HSPA2: variants seen among roughly 807,000 people sequenced by gnomAD.
HSPA2 encodes heat shock-related 70 kDa protein 2.
HSPA2 carries 13 observed loss-of-function variants against 35.0 expected under a neutral mutation model. That is an observed-to-expected ratio of 0.37 (90% CI 0.24 to 0.59). The LOEUF (loss-of-function observed/expected upper bound fraction) is 0.59. Ranked by LOEUF, HSPA2 falls within the 20% of genes least tolerant of loss-of-function variation. HSPA2 has a pLI of 0.70. For synonymous variants in HSPA2, 368 were observed against 382.1 expected (o/e 0.96, Z 0.43); for missense variants, 565 against 885.4 (o/e 0.64, Z 4.59).
At chr14:64,540,148 C>T (rs1429111784), upstream of HSPA2, among the ~76,000 whole-genome samples, 1 of 152,108 alleles carries the variant, frequency 6.6e-6, no homozygotes, top group Non-Finnish European at 1.5e-5. Flanking sequence ...CCTATTCCCT[C>T]CCCTTGGACG....
chr14:64,539,299 G>A (rs1249669688), upstream of HSPA2, among the ~76,000 whole-genome samples: 1 of 152,016 alleles, frequency 6.6e-6, no homozygotes, highest in African/African-American at 2.4e-5. Flanking sequence ...TCCATTGAGC[G>A]GAGTCAGAAA....
At position 64,540,797 on chromosome 14, in the gene HSPA2, G is replaced by A. The variant is rs1470926678; in HGVS notation, c.-53G>A. Reference sequence around the variant, plus strand: ...CGAGGTGGCCGTTAGTTGACTCCGCGGAGTTCATCTCCCTGGTTTTCCCGT... The same window carrying A: ...CGAGGTGGCCGTTAGTTGACTCCGCAGAGTTCATCTCCCTGGTTTTCCCGT... On this transcript the variant is annotated 5_prime_UTR_variant, in exon 1 of 1. Coordinates refer to ENST00000247207, the MANE Select transcript of HSPA2 (RefSeq NM_021979.4). 2.5e-6 allele frequency: 4 copies of A among 1,595,902 alleles called. No homozygotes were observed. Among genetic ancestry groups the A allele is most frequent in the Middle Eastern group, 1.7e-4 (1 of 5,910 alleles).
At chr14:64,540,605 G>A (rs1462406880), upstream of HSPA2, 14 of 594,072 alleles carry the variant, frequency 2.4e-5, no homozygotes, top group African/African-American at 2.6e-4. Context: ...AATCTGTTGG[G>A]TCACGGGCCA....
upstream of HSPA2, among the ~76,000 whole-genome samples, chr14:64,537,727 T>C (rs969378110): frequency 9.5e-6 from 1 of 104,778 alleles, no homozygotes; most frequent in African/African-American, 2.9e-5. Context: ...ATATTTTCTT[T>C]TCTTTTTCTT....
chr14:64,537,347 G>A (rs2079987225), upstream of HSPA2, among the ~76,000 whole-genome samples: 1 of 152,072 alleles, frequency 6.6e-6, no homozygotes, highest in East Asian at 1.9e-4. Context: ...ATCCCAGCAC[G>A]TTGGGAGGCC....
rs578013117 is a variant in HSPA2, at chr14:64,540,787, T to G, written c.-63T>G. The G allele has an allele frequency of 6.3e-7, 1 of 1,584,806 alleles. No homozygotes were observed. Among genetic ancestry groups the G allele is most frequent in the South Asian group, 1.2e-5 (1 of 85,778 alleles). ...GTGCTTGGTTCGAGGTGGCCGTTAG[T>G]TGACTCCGCGGAGTTCATCTCCCTG... On this transcript the variant is annotated 5_prime_UTR_variant, in exon 1 of 1. Coordinates refer to ENST00000247207, the MANE Select transcript of HSPA2 (RefSeq NM_021979.4).
chr14:64,540,941 C>T lies in HSPA2; in HGVS notation c.92C>T (p.Ala31Val). 1 of 1,614,116 alleles carries T rather than the reference C, an allele frequency of 6.2e-7. No individual in the cohort carries two copies. Among genetic ancestry groups the T allele is most frequent in the South Asian group, 1.1e-5 (1 of 91,086 alleles). ...CAACATGGCAAGGTGGAGATCATCG[C>T]CAACGACCAGGGCAATCGCACCACC... The part of the protein sequence containing the change: ...VFQHGKVEII[A>V]NDQGNRTTPS... The change falls in exon 1 of 1, where the codon GCC becomes GTC. Residue 31 changes from alanine (A) to valine (V), a missense_variant. This residue lies in a region of HSPA2 where 183 missense variants were observed against 281.6 expected (regional missense o/e 0.65). Transcript: ENST00000247207.
In HSPA2 at chr14:64,541,311, G is replaced by A. The variant is rs757713919; in HGVS notation, c.462G>A (p.Ser154=). Residue 154 remains serine, a synonymous_variant, in exon 1 of 1, where the codon TCG becomes TCA. Coordinates refer to ENST00000247207, the MANE Select transcript of HSPA2 (RefSeq NM_021979.4). ...VITVPAYFND[S]QRQATKDAGT... ...CGGTCCCGGCCTATTTCAACGACTCGCAGCGCCAGGCCACCAAGGACGCAG... is the reference window on the plus strand; with the variant it reads ...CGGTCCCGGCCTATTTCAACGACTCACAGCGCCAGGCCACCAAGGACGCAG... 6.2e-7 allele frequency: 1 copy of A among 1,613,192 alleles called. No individual in the cohort carries two copies. The highest frequency in any genetic ancestry group is 1.1e-5 in the South Asian group (1 of 91,048).
chr14:64,539,881 CATGTTGGCCAGGATGGTCTCG>C (rs1459809163), upstream of HSPA2, among the ~76,000 whole-genome samples: 2 of 152,164 alleles, frequency 1.3e-5, no homozygotes, highest in Non-Finnish European at 2.9e-5. Context: ...GGGCTTTCAC[CATGTTGGCCAGGATGGTCTCG>C]ATGTCTTAAC....
Position 64,542,571 on chromosome 14 carries a change from C to T in HSPA2, c.1722C>T (p.Leu574=), listed in dbSNP as rs779055791. 1.2e-6 allele frequency: 2 copies of T among 1,613,472 alleles called. No homozygotes were observed. The highest frequency in any genetic ancestry group is 1.7e-6 in the Non-Finnish European group (2 of 1,179,910). The part of the protein sequence containing the change: ...KISEQDKNKI[L]DKCQEVINWL... ...GCGAGCAGGACAAAAACAAGATCCT[C>T]GACAAGTGTCAGGAGGTGATCAACT... Residue 574 remains leucine, a synonymous_variant, in exon 1 of 1, where the codon CTC becomes CTT. Transcript: ENST00000247207. This position sits in a 1 kb window ranked among gnomAD's most constrained non-coding sequence, Gnocchi z 5.7.
chr14:64,540,452 G>T (rs2080017478), upstream of HSPA2: 3 of 247,502 alleles, frequency 1.2e-5, no homozygotes, highest in Non-Finnish European at 2.4e-5. Flanking sequence ...CTCTGGGAGC[G>T]CGCGCCTAAC....
chr14:64,540,072 TTTTTC>T (rs1339174577), upstream of HSPA2, among the ~76,000 whole-genome samples: 2 of 151,880 alleles, frequency 1.3e-5, no homozygotes, highest in African/African-American at 4.8e-5. Flanking sequence ...CGGTTCAGAC[TTTTTC>T]TTTTCTTTAA....
At chr14:64,538,319 GC>G (rs1241113476), upstream of HSPA2, among the ~76,000 whole-genome samples, 1 of 152,122 alleles carries the variant, frequency 6.6e-6, no homozygotes, top group Admixed American at 6.5e-5. Flanking sequence ...CACATCACTA[GC>G]CTGCTTTAAA....
Position 64,542,097 on chromosome 14 carries a change from C to T in HSPA2, c.1248C>T (p.Leu416=). 3.1e-6 allele frequency: 5 copies of T among 1,613,614 alleles called. No homozygotes were observed. The highest frequency in any genetic ancestry group is 4.2e-6 in the Non-Finnish European group (5 of 1,180,012). ...CAGCTGGCGGTGTCATGACCCCACT[C>T]ATCAAGAGGAACACCACGATCCCCA... ...IETAGGVMTP[L]IKRNTTIPTK... Residue 416 remains leucine, a synonymous_variant, in exon 1 of 1, where the codon CTC becomes CTT. Transcript: ENST00000247207. The surrounding 1 kb of genome is among the most constrained non-coding windows in gnomAD (Gnocchi z 5.7).
At position 64,541,024 on chromosome 14, in the gene HSPA2, C is replaced by T. The variant is rs1232728192; in HGVS notation, c.175C>T (p.Gln59Ter). Residue 59 changes from glutamine (Q) to a stop codon, truncating the protein, a stop_gained, in exon 1 of 1, where the codon CAG (glutamine) becomes TAG (stop). Transcript: ENST00000247207. LOFTEE classifies it high-confidence loss of function. ...CCTCATCGGCGACGCCGCCAAGAACCAGGTGGCCATGAACCCCACCAACAC... is the reference window on the plus strand; with the variant it reads ...CCTCATCGGCGACGCCGCCAAGAACTAGGTGGCCATGAACCCCACCAACAC... ...ERLIGDAAKNQVAMNPTNTIF... is the reference protein window; with the variant it reads ...ERLIGDAAKN 1.2e-6 allele frequency: 2 copies of T among 1,614,200 alleles called. No individual in the cohort carries two copies. Among genetic ancestry groups the T allele is most frequent in the Non-Finnish European group, 1.7e-6 (2 of 1,180,040 alleles).
chr14:64,542,115 G>A lies in HSPA2; in HGVS notation c.1266G>A (p.Thr422=), dbSNP rs759655550. The A allele has an allele frequency of 6.2e-7, 1 of 1,613,534 alleles. No individual in the cohort carries two copies. Among genetic ancestry groups the A allele is most frequent in the Non-Finnish European group, 8.5e-7 (1 of 1,179,990 alleles). ...VMTPLIKRNT[T]IPTKQTQTFT... is the part of the protein sequence containing the mutation. ...CCCCACTCATCAAGAGGAACACCACGATCCCCACCAAGCAGACGCAGACCT... is the reference window on the plus strand; with the variant it reads ...CCCCACTCATCAAGAGGAACACCACAATCCCCACCAAGCAGACGCAGACCT... The change falls in exon 1 of 1, where the codon ACG becomes ACA. Residue 422 remains threonine (T), a synonymous_variant. Transcript: ENST00000247207. This position sits in a 1 kb window ranked among gnomAD's most constrained non-coding sequence, Gnocchi z 5.7.
Position 64,541,995 on chromosome 14 carries a change from C to T in HSPA2, c.1146C>T (p.Ile382=). 6.2e-7 allele frequency: 1 copy of T among 1,613,538 alleles called. No individual in the cohort carries two copies. The highest frequency in any genetic ancestry group is 8.5e-7 in the Non-Finnish European group (1 of 1,180,012). ...ATGGCGCCGCGGTGCAGGCGGCCAT[C>T]CTCATCGGCGACAAATCAGAGAATG... ...VAYGAAVQAA[I]LIGDKSENVQ... Residue 382 remains isoleucine (I), a synonymous_variant, in exon 1 of 1, where the codon ATC becomes ATT. Transcript: ENST00000247207.
At chr14:64,540,118 C>G (rs751463152), upstream of HSPA2, among the ~76,000 whole-genome samples, 33 of 152,284 alleles carry the variant, frequency 2.2e-4, no homozygotes, top group Middle Eastern at 3.4e-3. Flanking sequence ...CCTCACCCCC[C>G]ACCCCAGCCA....
In HSPA2 at chr14:64,542,596, T is replaced by C. The variant is rs768496108; in HGVS notation, c.1747T>C (p.Trp583Arg). ...ILDKCQEVIN[W>R]LDRNQMAEKD... ...CGACAAGTGTCAGGAGGTGATCAAC[T>C]GGCTCGACCGAAACCAGATGGCAGA... The change falls in exon 1 of 1, where the codon TGG (tryptophan) becomes CGG (arginine). Residue 583 changes from tryptophan to arginine, a missense_variant. Transcript: ENST00000247207. This position sits in a 1 kb window ranked among gnomAD's most constrained non-coding sequence, Gnocchi z 5.7. 3.1e-6 allele frequency: 5 copies of C among 1,613,730 alleles called. No homozygotes were observed. The Admixed American group carries it at 6.7e-5, about 22-fold the overall frequency.
Sources: allele counts gnomAD v4.1 joint callset (sites outside exome capture counted in the v4.1 genomes callset), GRCh38; gene constraint gnomAD v4.1.1; regional missense constraint gnomAD v4.1.1; non-coding constraint Gnocchi (gnomAD v3.1); transcripts MANE v1.5; gene names NCBI Gene and HGNC (gene_info 2026-07-23, HGNC 2026-07-21).